Variants in KLF3 observed in about 807,000 individuals in gnomAD.
The protein encoded by KLF3 is KLF transcription factor 3.
KLF3 carries 6 observed loss-of-function variants against 32.7 expected under a neutral mutation model. That is an observed-to-expected ratio of 0.18 (90% CI 0.10 to 0.36). KLF3 has a LOEUF of 0.36. Among genes scored for constraint, KLF3 ranks in the 10% least tolerant of loss-of-function variants. KLF3 has a pLI of 1.00. For missense variants in KLF3, 338 were observed against 449.7 expected (o/e 0.75, Z 2.25); for synonymous variants, 145 against 172.8 (o/e 0.84, Z 1.26).
intron 2 of KLF3, among the ~76,000 whole-genome samples, chr4:38,687,512 GT>G (rs1284915288): frequency 6.6e-6 from 1 of 152,188 alleles, no homozygotes; most frequent in Non-Finnish European, 1.5e-5. Context: ...AGAGAAAGGT[GT>G]TTGAAGATAA....
intron 3 of KLF3, 50 bp from the exon 4 acceptor site, chr4:38,689,679 T>C: frequency 2.9e-6 from 4 of 1,400,694 alleles, no homozygotes; most frequent in Non-Finnish European, 3.9e-6. Context: ...TTTTAAAAGC[T>C]GAAATTGGTA....
In KLF3 at chr4:38,673,870, A is replaced by G. The variant is rs572623096; in HGVS notation, c.-39-6717A>G. 7.5e-4 allele frequency among the ~76,000 whole-genome samples: 114 copies of G among 151,528 alleles called. 4 individuals are homozygous for G. The South Asian group carries it at 0.022, about 29-fold the overall frequency. On this transcript the variant is annotated intron_variant, in intron 1 of 5. Coordinates refer to ENST00000261438, the MANE Select transcript of KLF3 (RefSeq NM_016531.6). ...TGGACAAGTTGGACTTGCCTTGGCA[A>G]CTCTCCATAGGGTGGAGCAGATGGG...
chr4:38,677,730 GA>G (rs1382494919), intron 1 of KLF3, among the ~76,000 whole-genome samples: 1 of 152,206 alleles, frequency 6.6e-6, no homozygotes, highest in Non-Finnish European at 1.5e-5. Flanking sequence ...AAGGGTGGGG[GA>G]TAGACCTCTA....
At chr4:38,693,545 C>T (rs1722948093) in intron 4 of KLF3, among the ~76,000 whole-genome samples, 2 of 152,038 alleles carry the variant, frequency 1.3e-5, no homozygotes, top group African/African-American at 2.4e-5. Flanking sequence ...TTTAAGCTCA[C>T]GAGTTAGAGT....
At chr4:38,676,385 G>A (rs1722350000) in intron 1 of KLF3, among the ~76,000 whole-genome samples, 1 of 152,178 alleles carries the variant, frequency 6.6e-6, no homozygotes, top group South Asian at 2.1e-4. Flanking sequence ...AGGTTGCAGT[G>A]AGCCGAGATC....
chr4:38,684,999 G>A (rs1722648491), intron 2 of KLF3, among the ~76,000 whole-genome samples: 1 of 152,198 alleles, frequency 6.6e-6, no homozygotes, highest in African/African-American at 2.4e-5. Flanking sequence ...AGAGGGCACT[G>A]GAGGTCCATC....
At chr4:38,667,279 AGGCTGG>A (rs1722072830) in intron 1 of KLF3, among the ~76,000 whole-genome samples, 1 of 152,124 alleles carries the variant, frequency 6.6e-6, no homozygotes, top group Admixed American at 6.5e-5. Flanking sequence ...CTTTGTTTCA[AGGCTGG>A]GGTTTGCGTC....
At chr4:38,670,421 T>C (rs1287222475) in intron 1 of KLF3, among the ~76,000 whole-genome samples, 4 of 152,158 alleles carry the variant, frequency 2.6e-5, no homozygotes, top group Non-Finnish European at 5.9e-5. Flanking sequence ...AGAGATCAAA[T>C]GAGTATTGAG....
chr4:38,689,567 C>T (rs980200694), intron 3 of KLF3, among the ~76,000 whole-genome samples, 162 bp from the exon 4 acceptor site: 18 of 152,288 alleles, frequency 1.2e-4, no homozygotes, highest in Middle Eastern at 3.4e-3. Flanking sequence ...AAATAATGGT[C>T]AGGAGAGGTG....
At position 38,672,827 on chromosome 4, in the gene KLF3, C is replaced by T. The variant is rs1722238033; in HGVS notation, c.-39-7760C>T. ...CAGTGGTGGAAAAGCTGCAGCAATG[C>T]AGGTGGGAGGCGCTGAGGGCCTGGC... On this transcript the variant is annotated intron_variant, in intron 1 of 5. Transcript: ENST00000261438. Among the ~76,000 whole-genome samples the T allele has an allele frequency of 2.0e-5, 3 of 152,136 alleles. No individual in the cohort carries two copies. In the South Asian group the frequency reaches 6.2e-4, roughly 31 times the overall value.
Position 38,697,194 on chromosome 4 carries a change from G to A in KLF3, c.969G>A (p.Pro323=), listed in dbSNP as rs770157784. The A allele has an allele frequency of 8.7e-6, 14 of 1,613,904 alleles. No homozygotes were observed. The highest frequency in any genetic ancestry group is 1.6e-4 in the Middle Eastern group (1 of 6,084). The part of the protein sequence containing the change: ...KHTGIKPFQC[P]DCDRSFSRSD... ...CTGGAATCAAACCTTTCCAGTGCCCGGACTGTGACCGCAGCTTCTCCCGTT... is the reference window on the plus strand; with the variant it reads ...CTGGAATCAAACCTTTCCAGTGCCCAGACTGTGACCGCAGCTTCTCCCGTT... Residue 323 remains proline (P), a synonymous_variant, in exon 6 of 6, where the codon CCG becomes CCA. Transcript: ENST00000261438.
chr4:38,681,948 A>G (rs985492070), intron 2 of KLF3, among the ~76,000 whole-genome samples: 1 of 152,252 alleles, frequency 6.6e-6, no homozygotes, highest in Non-Finnish European at 1.5e-5. Context: ...CTATAATGCA[A>G]GTTAAGTCAG....
intron 2 of KLF3, among the ~76,000 whole-genome samples, chr4:38,686,459 A>AG (rs201970110): frequency 1.4e-4 from 20 of 147,516 alleles, no homozygotes; most frequent in South Asian, 1.3e-3. Context: ...AAAAAAAAAA[A>AG]AAAAGAAAAG....
intron 2 of KLF3, among the ~76,000 whole-genome samples, chr4:38,683,047 G>T (rs1722577424): frequency 6.6e-6 from 1 of 152,052 alleles, no homozygotes; most frequent in African/African-American, 2.4e-5. Context: ...AAATTAAAAA[G>T]CTTTTGTTTC....
rs374152574 is a variant in KLF3 at position 38,688,581 on chromosome 4, A to G, written c.58-4A>G. On this transcript the variant is annotated splice_region_variant and splice_polypyrimidine_tract_variant and intron_variant, in intron 2 of 5. Coordinates refer to ENST00000261438, the MANE Select transcript of KLF3 (RefSeq NM_016531.6). The surrounding 1 kb of genome is among the most constrained non-coding windows in gnomAD (Gnocchi z 4.9). ...TGACACGTTTTCCTTTTCTTTTCTAATAGTCATACCCATCTAATTACATGG... is the reference window on the plus strand; with the variant it reads ...TGACACGTTTTCCTTTTCTTTTCTAGTAGTCATACCCATCTAATTACATGG... 1.3e-6 allele frequency: 2 copies of G among 1,566,674 alleles called. No individual in the cohort carries two copies. Among genetic ancestry groups the G allele is most frequent in the Non-Finnish European group, 1.7e-6 (2 of 1,152,658 alleles).
At chr4:38,676,620 C>T (rs1425284172) in intron 1 of KLF3, among the ~76,000 whole-genome samples, 1 of 152,124 alleles carries the variant, frequency 6.6e-6, no homozygotes, top group Non-Finnish European at 1.5e-5. Flanking sequence ...TCACTAAAAG[C>T]ATCATCATTT....
At chr4:38,675,066 C>T (rs1016060963) in intron 1 of KLF3, among the ~76,000 whole-genome samples, 3 of 152,240 alleles carry the variant, frequency 2.0e-5, no homozygotes, top group African/African-American at 7.2e-5. Flanking sequence ...AGCAGGACTG[C>T]ATTACTTCTG....
chr4:38,690,977 C>A (rs1020725917), intron 4 of KLF3, among the ~76,000 whole-genome samples: 3 of 152,006 alleles, frequency 2.0e-5, no homozygotes, highest in Non-Finnish European at 4.4e-5. Context: ...TCATATGCTC[C>A]CCAATAGATG....
At chr4:38,691,201 C>T (rs1204895085) in intron 4 of KLF3, among the ~76,000 whole-genome samples, 2 of 152,294 alleles carry the variant, frequency 1.3e-5, no homozygotes, top group African/African-American at 2.4e-5. Flanking sequence ...TTAGATAACT[C>T]GCCAATATTC....
Sources: allele counts gnomAD v4.1 joint callset (sites outside exome capture counted in the v4.1 genomes callset), GRCh38; gene constraint gnomAD v4.1.1; non-coding constraint Gnocchi (gnomAD v3.1); transcripts MANE v1.5; gene names NCBI Gene and HGNC (gene_info 2026-07-23, HGNC 2026-07-21).